CCDC6: variants seen among roughly 807,000 people sequenced by gnomAD.
CCDC6 encodes the protein coiled-coil domain-containing protein 6.
A neutral mutation model predicts 56.6 loss-of-function variants in CCDC6; 20 were observed. That is an observed-to-expected ratio of 0.35 (90% confidence interval 0.25 to 0.51). The LOEUF (loss-of-function observed/expected upper bound fraction) is 0.51. Among genes scored for constraint, CCDC6 ranks in the 20% least tolerant of loss-of-function variants. The probability of loss-of-function intolerance (pLI) is 0.95; values close to 1 mark genes in which losing one functional copy is unlikely to be tolerated. For missense variants in CCDC6, 367 were observed against 601.1 expected (o/e 0.61, Z 4.07); for synonymous variants, 241 against 234.4 (o/e 1.03, Z -0.26).
chr10:59,804,417 C>T lies in CCDC6; in HGVS notation c.1105+3G>A, dbSNP rs2070602779. On this transcript the variant is annotated splice_donor_region_variant and intron_variant, in intron 7 of 8. Transcript: ENST00000263102. Reference sequence around the variant, plus strand: ...ACTGAAATAGCCAAAGACATATGCTCACCAGGTGATATAGGCCTGCTTGAA... The same window carrying T: ...ACTGAAATAGCCAAAGACATATGCTTACCAGGTGATATAGGCCTGCTTGAA... The T allele has an allele frequency of 6.3e-7, 1 of 1,581,714 alleles. No individual in the cohort carries two copies. The highest frequency in any genetic ancestry group is 8.7e-7 in the Non-Finnish European group (1 of 1,150,518).
chr10:59,794,307 C>A (rs2070494372), intron 8 of CCDC6, among the ~76,000 whole-genome samples, 166 bp downstream of exon 8: 1 of 152,126 alleles, frequency 6.6e-6, no homozygotes, highest in African/African-American at 2.4e-5. Context: ...AGTTTCAATA[C>A]CAGAATTTGG....
At chr10:59,803,752 G>A (rs1032723384) in intron 7 of CCDC6, among the ~76,000 whole-genome samples, 2 of 152,226 alleles carry the variant, frequency 1.3e-5, no homozygotes, top group East Asian at 1.9e-4. Flanking sequence ...TCCTTTGAGG[G>A]AAAGGTTGTG....
At chr10:59,810,216 T>C (rs895182739) in intron 5 of CCDC6, among the ~76,000 whole-genome samples, 5 of 152,344 alleles carry the variant, frequency 3.3e-5, no homozygotes, top group Admixed American at 1.3e-4. Flanking sequence ...CCAGGTCATC[T>C]AACCTAAGGA....
intron 3 of CCDC6, among the ~76,000 whole-genome samples, chr10:59,829,643 A>G (rs928426392): frequency 1.3e-5 from 2 of 152,214 alleles, no homozygotes; most frequent in African/African-American, 2.4e-5. Flanking sequence ...ATGGTAAATG[A>G]AAGAAGCCAA....
rs746049997 is a variant in CCDC6 at position 59,906,079 on chromosome 10, G to A, written c.303+43C>T. 1.6e-5 allele frequency: 24 copies of A among 1,506,640 alleles called. No homozygotes were observed. The South Asian group carries it at 2.4e-4, about 15-fold the overall frequency. 93.3% of individuals were successfully genotyped at this position (1,506,640 alleles called of 1,614,324 possible). ...ATTCGGGTGCAGCCCCTCCCGGGGC[G>A]GGCGGAGGTCGGCGCTGCGGCGCGT... On this transcript the variant is annotated intron_variant, in intron 1 of 8. Coordinates refer to ENST00000263102, the MANE Select transcript of CCDC6 (RefSeq NM_005436.5).
At chr10:59,802,553 T>C (rs562585366) in intron 7 of CCDC6, among the ~76,000 whole-genome samples, 1 of 152,154 alleles carries the variant, frequency 6.6e-6, no homozygotes, top group Admixed American at 6.6e-5. Context: ...AAATCTCCTT[T>C]GGTGATGTTA....
chr10:59,885,921 C>T (rs2071380165), intron 1 of CCDC6, among the ~76,000 whole-genome samples: 1 of 17,192 alleles, frequency 5.8e-5, no homozygotes, highest in African/African-American at 1.4e-4. Context: ...CCCCGCCCCC[C>T]GCCCCCCCAA....
intron 1 of CCDC6, among the ~76,000 whole-genome samples, chr10:59,885,119 A>G (rs1276702106): frequency 6.6e-6 from 1 of 152,068 alleles, no homozygotes; most frequent in Non-Finnish European, 1.5e-5. Flanking sequence ...AGAAAAGAAA[A>G]GGAGAAAAGG....
chr10:59,877,797 C>T (rs984082119), intron 1 of CCDC6, among the ~76,000 whole-genome samples: 33 of 152,146 alleles, frequency 2.2e-4, no homozygotes, highest in Non-Finnish European at 7.4e-5. Flanking sequence ...TGCAAGAAAA[C>T]CAACCAATAA....
intron 2 of CCDC6, among the ~76,000 whole-genome samples, chr10:59,844,762 A>AAGAGAGAG (rs1554884868): frequency 7.5e-6 from 1 of 134,014 alleles, no homozygotes; most frequent in Admixed American, 7.5e-5. Flanking sequence ...AAAAAAAAAA[A>AAGAGAGAG]AGAGAGAGAG....
intron 3 of CCDC6, among the ~76,000 whole-genome samples, chr10:59,827,879 C>G (rs1216817341): frequency 1.3e-5 from 2 of 152,168 alleles, no homozygotes; most frequent in South Asian, 4.1e-4. Flanking sequence ...TAACCCTCCA[C>G]GGATATAGTG....
intron 1 of CCDC6, among the ~76,000 whole-genome samples, chr10:59,855,749 G>A (rs1473094806): frequency 6.6e-5 from 10 of 152,176 alleles, no homozygotes; most frequent in Admixed American, 5.2e-4. Flanking sequence ...AAGGGTGAAT[G>A]TTACAGCATG....
rs116820752 is a variant in CCDC6, at chr10:59,852,087, G to A, written c.453+466C>T. On this transcript the variant is annotated intron_variant, in intron 2 of 8. Coordinates refer to ENST00000263102, the MANE Select transcript of CCDC6 (RefSeq NM_005436.5). ...ACATATTACTCACCCATTTGAACAC[G>A]GTTGATTGTGGGTAGTTTTAACTAT... 5.8e-3 allele frequency among the ~76,000 whole-genome samples: 887 copies of A among 152,174 alleles called. 9 individuals are homozygous for A. Among genetic ancestry groups the A allele is most frequent in the African/African-American group, 0.02 (851 of 41,526 alleles).
chr10:59,797,040 G>T (rs1359672134), intron 7 of CCDC6, among the ~76,000 whole-genome samples: 1 of 151,332 alleles, frequency 6.6e-6, no homozygotes, highest in Non-Finnish European at 1.5e-5. Context: ...AAGAAAATGT[G>T]ATATATATAG....
intron 1 of CCDC6, among the ~76,000 whole-genome samples, chr10:59,868,292 T>C (rs117654041): frequency 0.018 from 2,740 of 152,246 alleles, 29 homozygotes; most frequent in Middle Eastern, 0.044. Context: ...GGGAAGGTGC[T>C]AAGTGAAAAT....
intron 5 of CCDC6, 70 bp from the exon 6 acceptor site, chr10:59,807,148 T>C: frequency 2.1e-6 from 3 of 1,406,912 alleles, no homozygotes; most frequent in Non-Finnish European, 3.0e-6. Context: ...AAAAGGAGAC[T>C]TCAGTTCAGC....
intron 1 of CCDC6, among the ~76,000 whole-genome samples, chr10:59,872,111 T>C (rs914024071): frequency 4.6e-5 from 7 of 152,226 alleles, no homozygotes; most frequent in Admixed American, 6.5e-5. Flanking sequence ...CTCACTCCAC[T>C]TACTAGATTT....
In CCDC6 at chr10:59,804,424, T is replaced by C. The variant is rs764467305; in HGVS notation, c.1101A>G (p.Ser367=). 4.4e-6 allele frequency: 7 copies of C among 1,596,846 alleles called. No homozygotes were observed. In the East Asian group the frequency reaches 1.1e-4, roughly 25 times the overall value. The change falls in exon 7 of 9, where the codon TCA becomes TCG. Residue 367 remains serine, a synonymous_variant. Transcript: ENST00000263102. ...TAGCCAAAGACATATGCTCACCAGGTGATATAGGCCTGCTTGAACTCGGAG... is the reference window on the plus strand; with the variant it reads ...TAGCCAAAGACATATGCTCACCAGGCGATATAGGCCTGCTTGAACTCGGAG... ...TPSPSSSRPI[S]PGLSYASHTV... is the part of the protein sequence containing the mutation.
chr10:59,893,085 G>T (rs1325321811), intron 1 of CCDC6, among the ~76,000 whole-genome samples: 1 of 152,210 alleles, frequency 6.6e-6, no homozygotes, highest in Non-Finnish European at 1.5e-5. Context: ...GATAATCAAA[G>T]AATCCAGACA....
Sources: allele counts gnomAD v4.1 joint callset (sites outside exome capture counted in the v4.1 genomes callset), GRCh38; gene constraint gnomAD v4.1.1; transcripts MANE v1.5; gene names NCBI Gene and HGNC (gene_info 2026-07-23, HGNC 2026-07-21).